COL25A1: variants seen among roughly 807,000 people sequenced by gnomAD.
COL25A1 encodes collagen alpha-1(XXV) chain.
In COL25A1, 103 loss-of-function variants were observed where a neutral mutation model predicts 128.4. The observed-to-expected ratio is 0.80, with a 90% CI of 0.68 to 0.94. The LOEUF (loss-of-function observed/expected upper bound fraction) is 0.94, where lower values mean the gene tolerates loss of function less well. Among genes scored for constraint, COL25A1 ranks in the 40% least tolerant of loss-of-function variants. The pLI is 0.00. For synonymous variants in COL25A1, 279 were observed against 277.2 expected (o/e 1.01, Z -0.06); for missense variants, 745 against 840.0 (o/e 0.89, Z 1.40).
intron 3 of COL25A1, among the ~76,000 whole-genome samples, chr4:109,104,566 G>T (rs1560699092): frequency 2.0e-5 from 3 of 150,346 alleles, no homozygotes; most frequent in Non-Finnish European, 4.4e-5. Flanking sequence ...GCCAAAACAT[G>T]AACTTAGTTT....
intron 3 of COL25A1, among the ~76,000 whole-genome samples, chr4:109,275,954 G>C (rs760121950): frequency 2.0e-5 from 3 of 151,944 alleles, no homozygotes; most frequent in Non-Finnish European, 2.9e-5. Flanking sequence ...CAATCCACTG[G>C]GCAAACACCT....
intron 3 of COL25A1, among the ~76,000 whole-genome samples, chr4:109,134,179 G>C (rs1769484385): frequency 6.8e-6 from 1 of 147,526 alleles, no homozygotes; most frequent in African/African-American, 2.6e-5. Context: ...GAAGACAGGG[G>C]CCAGATTATA....
intron 3 of COL25A1, among the ~76,000 whole-genome samples, chr4:109,101,518 A>G (rs1765888565): frequency 6.6e-6 from 1 of 152,204 alleles, no homozygotes; most frequent in African/African-American, 2.4e-5. Context: ...TGGAGATTTC[A>G]AAATATGCAA....
intron 3 of COL25A1, among the ~76,000 whole-genome samples, chr4:109,262,503 G>C (rs954433135): frequency 2.6e-5 from 4 of 152,062 alleles, no homozygotes; most frequent in African/African-American, 9.7e-5. Context: ...GACAGAGTTA[G>C]ACTGTCTCTC....
At chr4:108,893,293 G>T (rs1169230795) in intron 16 of COL25A1, among the ~76,000 whole-genome samples, 2 of 152,174 alleles carry the variant, frequency 1.3e-5, no homozygotes, top group Non-Finnish European at 2.9e-5. Flanking sequence ...AGAGTAGAGT[G>T]ATGTGGCCAA....
intron 8 of COL25A1, among the ~76,000 whole-genome samples, chr4:108,958,942 G>A (rs1338358378): frequency 6.6e-6 from 1 of 152,048 alleles, no homozygotes; most frequent in African/African-American, 2.4e-5. Context: ...TAAACAGTAT[G>A]TAATTATGTT....
At chr4:109,131,862 C>T (rs1174815070) in intron 3 of COL25A1, among the ~76,000 whole-genome samples, 5 of 152,096 alleles carry the variant, frequency 3.3e-5, no homozygotes, top group Non-Finnish European at 7.4e-5. Context: ...TGTTGCTGGA[C>T]GATGTCAGCA....
intron 3 of COL25A1, among the ~76,000 whole-genome samples, chr4:109,122,960 C>T (rs1370901506): frequency 2.0e-5 from 3 of 152,034 alleles, no homozygotes; most frequent in Non-Finnish European, 4.4e-5. Flanking sequence ...TGCTGTTCAG[C>T]ACTAATCATG....
chr4:108,830,914 A>AT (rs1733017927), intron 32 of COL25A1, among the ~76,000 whole-genome samples: 2 of 152,382 alleles, frequency 1.3e-5, no homozygotes, highest in Middle Eastern at 3.4e-3. Flanking sequence ...GCTTTTAAAT[A>AT]TTTTTAATTA....
intron 8 of COL25A1, chr4:108,942,418 A>C: frequency 1.5e-6 from 1 of 658,982 alleles, no homozygotes. Context: ...AAACAAAATT[A>C]GACACATAAG....
chr4:108,969,532 T>A lies in COL25A1; in HGVS notation c.492+4835A>T, dbSNP rs373688420. 3.2e-4 allele frequency among the ~76,000 whole-genome samples: 49 copies of A among 152,338 alleles called. No individual in the cohort carries two copies. The South Asian group carries it at 0.01, about 32-fold the overall frequency. On this transcript the variant is annotated intron_variant, in intron 8 of 37. Transcript: ENST00000399132. ...TTTTTATGTGAGAATAATAAACTCA[T>A]ATCCTAGCTTTCATGGTGAAATTGG...
chr4:109,083,968 TAAAAGA>T (rs1560660855), intron 3 of COL25A1, among the ~76,000 whole-genome samples: 1 of 152,096 alleles, frequency 6.6e-6, no homozygotes, highest in Non-Finnish European at 1.5e-5. Flanking sequence ...CAACTTAAAT[TAAAAGA>T]AAAAGACTAC....
intron 6 of COL25A1, among the ~76,000 whole-genome samples, chr4:109,008,824 A>C (rs1454216645): frequency 1.3e-5 from 2 of 152,164 alleles, no homozygotes; most frequent in African/African-American, 4.8e-5. Context: ...CAAATAAAAG[A>C]AAGCATGCAA....
chr4:108,875,080 G>C (rs1442574509), intron 19 of COL25A1, among the ~76,000 whole-genome samples: 1 of 152,168 alleles, frequency 6.6e-6, no homozygotes, highest in Non-Finnish European at 1.5e-5. Context: ...GTGTGGAAGG[G>C]AATGAATGAA....
rs183786137 is a variant in COL25A1 at position 109,184,897 on chromosome 4, T to A, written c.367+115686A>T. ...ACAGCTCAAACTATTACAAAGCTCC[T>A]GTTTTAGTAGAGATTAAATCTTTCT... On this transcript the variant is annotated intron_variant, in intron 3 of 37. Coordinates refer to ENST00000399132, the MANE Select transcript of COL25A1 (RefSeq NM_198721.4). Among the ~76,000 whole-genome samples, 698 of 152,324 alleles carry A rather than the reference T, an allele frequency of 4.6e-3. 7 individuals carry two copies. Among genetic ancestry groups the A allele is most frequent in the Non-Finnish European group, 8.3e-3 (563 of 68,026 alleles).
chr4:109,167,448 A>G (rs761608873), intron 3 of COL25A1, among the ~76,000 whole-genome samples: 5 of 152,162 alleles, frequency 3.3e-5, no homozygotes, highest in Admixed American at 6.5e-5. Flanking sequence ...TGAATGAACA[A>G]TAAGTTTGAG....
chr4:109,283,811 C>T (rs1455330913), intron 3 of COL25A1, among the ~76,000 whole-genome samples: 4 of 152,190 alleles, frequency 2.6e-5, no homozygotes, highest in Admixed American at 6.6e-5. Context: ...TTGAGAAACA[C>T]TTTCTTTACT....
intron 5 of COL25A1, among the ~76,000 whole-genome samples, chr4:109,023,755 C>T (rs7435277): frequency 0.5 from 76,348 of 151,980 alleles, 21,966 homozygotes; most frequent in African/African-American, 0.77. Context: ...GATGCTCTTG[C>T]TTGCAATAAA....
Position 109,010,348 on chromosome 4 carries a change from A to T in COL25A1, c.438+10T>A. 6.3e-7 allele frequency: 1 copy of T among 1,576,012 alleles called. No homozygotes were observed. The highest frequency in any genetic ancestry group is 8.6e-7 in the Non-Finnish European group (1 of 1,164,906). ...ATTGAAAATAATTTGCTAGAAAAGA[A>T]TTACCTTACCTGAGGACCAGGCTGT... On this transcript the variant is annotated intron_variant, in intron 6 of 37. Transcript: ENST00000399132.
Sources: gnomAD v4.1 joint callset for allele counts (sites outside exome capture counted in the v4.1 genomes callset) on GRCh38, gnomAD v4.1.1 for gene constraint, MANE v1.5 for transcripts, NCBI Gene and HGNC (gene_info 2026-07-23, HGNC 2026-07-21) for gene names.